THOC2: variants seen among roughly 807,000 people sequenced by gnomAD.
The protein encoded by THOC2 is THO complex subunit 2.
Under a neutral mutation model 128.4 loss-of-function variants are expected in THOC2, and 10 were observed. The ratio of observed to expected loss-of-function variants is 0.08; its 90% CI spans 0.05 to 0.13. The LOEUF (loss-of-function observed/expected upper bound fraction) is 0.13, where lower values mean the gene tolerates loss of function less well. Ranked by LOEUF, THOC2 falls within the 10% of genes least tolerant of loss-of-function variation. The probability of loss-of-function intolerance (pLI) is 1.00; values close to 1 mark genes in which losing one functional copy is unlikely to be tolerated. For synonymous variants in THOC2, 393 were observed against 396.9 expected (o/e 0.99, Z 0.12); for missense variants, 535 against 1,155.7 (o/e 0.46, Z 7.79).
intron 21 of THOC2, among the ~76,000 whole-genome samples, chrX:123,632,384 G>A (rs1486330425): frequency 2.8e-5 from 3 of 106,947 alleles, no homozygotes; most frequent in Admixed American, 2.0e-4. Context: ...CCAGCTACTC[G>A]GGAGGCTGAG....
At chrX:123,647,697 T>C (rs2048182137) in intron 12 of THOC2, among the ~76,000 whole-genome samples, 1 of 108,837 alleles carries the variant, frequency 9.2e-6, no homozygotes, top group African/African-American at 3.4e-5. Context: ...TAGCTGGGCA[T>C]GGTGGCACTC....
At chrX:123,627,576 T>G in intron 23 of THOC2, 117 bp downstream of exon 23, 1 of 782,937 alleles carries the variant, frequency 1.3e-6, no homozygotes, top group African/African-American at 2.1e-5. Context: ...TTTAAGAAAA[T>G]ATTATATAGC....
intron 23 of THOC2, among the ~76,000 whole-genome samples, chrX:123,627,485 C>CA (rs1005771568): frequency 9.0e-6 from 1 of 111,664 alleles, no homozygotes; most frequent in African/African-American, 3.3e-5. Context: ...AAAGGACACT[C>CA]AAATAATTTT....
intron 4 of THOC2, among the ~76,000 whole-genome samples, chrX:123,701,189 C>T (rs1281413314): frequency 9.0e-6 from 1 of 111,522 alleles, no homozygotes; most frequent in African/African-American, 3.3e-5. Flanking sequence ...CCCATCTCTA[C>T]TAAAAATACA....
intron 9 of THOC2, among the ~76,000 whole-genome samples, chrX:123,668,715 G>A (rs1239777933): frequency 8.9e-6 from 1 of 111,913 alleles, no homozygotes; most frequent in African/African-American, 3.2e-5. Context: ...ATCCAATTTG[G>A]GAAAGGTGAA....
In THOC2 at chrX:123,624,563, C is replaced by G. The variant is rs2047193040; in HGVS notation, c.3164G>C (p.Ser1055Thr). 1 of 1,207,857 alleles carries G rather than the reference C, an allele frequency of 8.3e-7. No homozygotes were observed. Among genetic ancestry groups the G allele is most frequent in the Non-Finnish European group, 1.1e-6 (1 of 893,977 alleles). Residue 1055 changes from serine to threonine, a missense_variant, in exon 26 of 39, where the codon AGT (serine) becomes ACT (threonine). By Grantham distance (58) the Ser-to-Thr change is moderately conservative. Transcript: ENST00000245838. Reference sequence around the variant, plus strand: ...TACCTTTTCATATGTGGCTCTATCACTATGCCACCTGGTCACAGTCTCTAA... The same window carrying G: ...TACCTTTTCATATGTGGCTCTATCAGTATGCCACCTGGTCACAGTCTCTAA... The part of the protein sequence containing the change: ...CMLETVTRWH[S>T]DRATYEKECG...
intron 12 of THOC2, among the ~76,000 whole-genome samples, chrX:123,649,659 A>G (rs756987065): frequency 1.8e-5 from 2 of 110,786 alleles, no homozygotes; most frequent in African/African-American, 6.6e-5. Flanking sequence ...CCTGAAGCAT[A>G]CACAAGTATC....
intron 12 of THOC2, among the ~76,000 whole-genome samples, chrX:123,657,213 A>T (rs2048631527): frequency 9.0e-6 from 1 of 111,074 alleles, no homozygotes; most frequent in Non-Finnish European, 1.9e-5. Context: ...AAAGAGAAAA[A>T]AGTCTGATAA....
At chrX:123,685,770 T>C (rs763089286) in intron 8 of THOC2, among the ~76,000 whole-genome samples, 6 of 111,749 alleles carry the variant, frequency 5.4e-5, no homozygotes, top group Admixed American at 2.9e-4. Flanking sequence ...GAAAGATGGA[T>C]TGAAGTAGAA....
At chrX:123,707,396 A>G (rs1377596774) in intron 2 of THOC2, among the ~76,000 whole-genome samples, 1 of 112,174 alleles carries the variant, frequency 8.9e-6, no homozygotes, top group African/African-American at 3.2e-5. Flanking sequence ...TCAGCACTAT[A>G]GTGACAACAG....
chrX:123,651,126 A>G (rs5958278), intron 12 of THOC2, among the ~76,000 whole-genome samples: 4,060 of 111,983 alleles, frequency 0.036, 204 homozygotes, highest in African/African-American at 0.12. Flanking sequence ...CCACAGTGCA[A>G]TCAAATTAGA....
chrX:123,619,363 T>C (rs2047005523), intron 33 of THOC2, 38 bp downstream of exon 33: 1 of 901,483 alleles, frequency 1.1e-6, no homozygotes. Flanking sequence ...AAAGAACATT[T>C]GGTTTACTTA....
intron 38 of THOC2, among the ~76,000 whole-genome samples, chrX:123,604,711 A>C (rs2046404673): frequency 8.9e-6 from 1 of 112,099 alleles, no homozygotes; most frequent in Admixed American, 9.5e-5. Context: ...TTAGTAGTTT[A>C]TATAGATTCT....
chrX:123,685,655 T>G (rs1445467610), intron 8 of THOC2, among the ~76,000 whole-genome samples: 2 of 111,935 alleles, frequency 1.8e-5, no homozygotes, highest in Non-Finnish European at 3.8e-5. Flanking sequence ...GAAGTGCTAT[T>G]TCTGCCACAT....
At chrX:123,669,118 T>A in intron 9 of THOC2, among the ~76,000 whole-genome samples, 1 of 102,778 alleles carries the variant, frequency 9.7e-6, no homozygotes. Context: ...TAAATGAAAA[T>A]AATAATGAAC....
At chrX:123,659,645 G>T (rs2048750097) in intron 12 of THOC2, among the ~76,000 whole-genome samples, 1 of 112,356 alleles carries the variant, frequency 8.9e-6, no homozygotes, top group African/African-American at 3.2e-5. Context: ...ACTGTACTAG[G>T]AGTTAGTCCT....
intron 38 of THOC2, among the ~76,000 whole-genome samples, chrX:123,605,031 A>C (rs1237538100): frequency 8.9e-6 from 1 of 112,392 alleles, no homozygotes; most frequent in Non-Finnish European, 1.9e-5. Flanking sequence ...TCCTAAATCC[A>C]CTTTACTCCT....
At chrX:123,629,246 C>CACACACACACACAT (rs941408462) in intron 22 of THOC2, among the ~76,000 whole-genome samples, 1 of 102,028 alleles carries the variant, frequency 9.8e-6, no homozygotes, top group East Asian at 3.0e-4. Flanking sequence ...CACACACACA[C>CACACACACACACAT]ATATATATGA....
intron 20 of THOC2, among the ~76,000 whole-genome samples, chrX:123,633,653 C>T (rs1569348681): frequency 8.9e-6 from 1 of 111,987 alleles, no homozygotes; most frequent in East Asian, 2.8e-4. Context: ...ATCCACCCAC[C>T]TCAGCCTCCC....
Sources: allele counts gnomAD v4.1 joint callset (sites outside exome capture counted in the v4.1 genomes callset), GRCh38; gene constraint gnomAD v4.1.1; transcripts MANE v1.5; gene names NCBI Gene and HGNC (gene_info 2026-07-23, HGNC 2026-07-21).